Variants in RALGAPA1 observed in about 807,000 individuals in gnomAD.
RALGAPA1 encodes the protein Ral GTPase activating protein catalytic subunit alpha 1, also known as ral GTPase-activating protein subunit alpha-1.
A neutral mutation model predicts 269.6 loss-of-function variants in RALGAPA1; 52 were observed. The ratio of observed to expected loss-of-function variants is 0.19; its 90% CI spans 0.15 to 0.24. RALGAPA1 has a LOEUF of 0.24. Ranked by LOEUF, RALGAPA1 falls within the 10% of genes least tolerant of loss-of-function variation. RALGAPA1 has a pLI of 1.00. For synonymous variants in RALGAPA1, 817 were observed against 1,008.3 expected (o/e 0.81, Z 3.60); for missense variants, 1,917 against 3,013.9 (o/e 0.64, Z 8.52).
At chr14:35,649,017 A>C (rs1221964908) in intron 31 of RALGAPA1, among the ~76,000 whole-genome samples, 1 of 152,214 alleles carries the variant, frequency 6.6e-6, no homozygotes, top group Non-Finnish European at 1.5e-5. Context: ...ATATCGCCTT[A>C]AGTGATTTCA....
intron 31 of RALGAPA1, among the ~76,000 whole-genome samples, chr14:35,648,338 C>T (rs1250853439): frequency 1.3e-5 from 2 of 150,358 alleles, no homozygotes; most frequent in African/African-American, 4.9e-5. Context: ...TGGTGGCGCA[C>T]GCCTGTAATC....
intron 39 of RALGAPA1, among the ~76,000 whole-genome samples, chr14:35,565,682 G>C (rs1320442196): frequency 6.6e-6 from 1 of 151,954 alleles, no homozygotes; most frequent in Non-Finnish European, 1.5e-5. Context: ...TATTGGTTCT[G>C]TTTCTCTGAG....
intron 12 of RALGAPA1, among the ~76,000 whole-genome samples, chr14:35,731,738 T>A (rs2070493244): frequency 6.6e-6 from 1 of 152,140 alleles, no homozygotes; most frequent in Non-Finnish European, 1.5e-5. Context: ...TCTGGGATTA[T>A]GTTAAACAAC....
chr14:35,691,590 G>T (rs1209539750), intron 17 of RALGAPA1, among the ~76,000 whole-genome samples: 1 of 152,124 alleles, frequency 6.6e-6, no homozygotes, highest in African/African-American at 2.4e-5. Context: ...TCTAGATTTT[G>T]AGACTAGTTT....
At chr14:35,620,672 T>C (rs867043054) in intron 35 of RALGAPA1, among the ~76,000 whole-genome samples, 4 of 152,228 alleles carry the variant, frequency 2.6e-5, no homozygotes, top group Non-Finnish European at 4.4e-5. Context: ...AGTCTCAGGA[T>C]ACAAAATCAA....
intron 33 of RALGAPA1, among the ~76,000 whole-genome samples, chr14:35,631,697 A>C (rs1214405276): frequency 6.6e-6 from 1 of 152,204 alleles, no homozygotes; most frequent in Non-Finnish European, 1.5e-5. Flanking sequence ...ATGATCACAA[A>C]TACATAAGAT....
At chr14:35,685,239 C>T (rs2065817351) in intron 19 of RALGAPA1, 94 bp from the exon 20 acceptor site, 1 of 1,147,586 alleles carries the variant, frequency 8.7e-7, no homozygotes, top group Non-Finnish European at 1.2e-6. Context: ...ACAATAAATG[C>T]TGAGATTTAG....
chr14:35,712,990 A>G (rs745341137), intron 16 of RALGAPA1, among the ~76,000 whole-genome samples: 2 of 152,240 alleles, frequency 1.3e-5, no homozygotes, highest in Non-Finnish European at 2.9e-5. Flanking sequence ...AAGTGGGCAG[A>G]GGCCTAATCA....
intron 35 of RALGAPA1, among the ~76,000 whole-genome samples, chr14:35,609,600 A>T (rs1222352568): frequency 6.6e-6 from 1 of 152,232 alleles, no homozygotes; most frequent in African/African-American, 2.4e-5. Flanking sequence ...AAAAAGTTTT[A>T]AAAAAGATTT....
intron 1 of RALGAPA1, among the ~76,000 whole-genome samples, chr14:35,803,468 T>G (rs966763627): frequency 6.6e-6 from 1 of 151,982 alleles, no homozygotes; most frequent in African/African-American, 2.4e-5. Context: ...AAATTAAAAA[T>G]TGATATATAG....
intron 1 of RALGAPA1, among the ~76,000 whole-genome samples, chr14:35,800,966 T>C (rs961830365): frequency 2.6e-5 from 4 of 151,666 alleles, no homozygotes; most frequent in African/African-American, 7.3e-5. Flanking sequence ...GATTGCGCCA[T>C]TGCACTCCAG....
intron 1 of RALGAPA1, among the ~76,000 whole-genome samples, chr14:35,800,584 T>C (rs1175061572): frequency 6.6e-6 from 1 of 152,190 alleles, no homozygotes; most frequent in Non-Finnish European, 1.5e-5. Context: ...AGATGCTAGT[T>C]AGGGGAAAAT....
intron 8 of RALGAPA1, among the ~76,000 whole-genome samples, chr14:35,751,601 T>C (rs552843890): frequency 4.1e-4 from 62 of 151,802 alleles, no homozygotes; most frequent in African/African-American, 1.4e-3. Flanking sequence ...CTGGGCAACA[T>C]AGGGAGATCC....
intron 16 of RALGAPA1, among the ~76,000 whole-genome samples, chr14:35,718,683 G>A (rs10151952): frequency 0.13 from 19,923 of 151,866 alleles, 1,336 homozygotes; most frequent in African/African-American, 0.14. Context: ...AGGCGTGGTG[G>A]CATGTGTCTG....
chr14:35,593,839 G>A (rs1213124019), intron 37 of RALGAPA1, among the ~76,000 whole-genome samples: 1 of 152,038 alleles, frequency 6.6e-6, no homozygotes, highest in Non-Finnish European at 1.5e-5. Flanking sequence ...GGGTGAAAGA[G>A]TGAGACCCTG....
rs180941639 is a variant in RALGAPA1 at position 35,666,055 on chromosome 14, G to C, written c.5203-1288C>G. On this transcript the variant is annotated intron_variant, in intron 26 of 41. Transcript: ENST00000680220. ...TCTTGAGAAGGAGTTTCACTCTGTC[G>C]TGCAGGCTGGAGTACAGTGGCACAA... Among the ~76,000 whole-genome samples, 787 of 150,146 alleles carry C rather than the reference G, an allele frequency of 5.2e-3. 1 individual carries two copies. Among genetic ancestry groups the C allele is most frequent in the African/African-American group, 0.018 (720 of 40,816 alleles).
intron 16 of RALGAPA1, among the ~76,000 whole-genome samples, chr14:35,720,600 T>G (rs2069311409): frequency 6.6e-6 from 1 of 152,172 alleles, no homozygotes; most frequent in Admixed American, 6.5e-5. Context: ...TGAGCAGTAT[T>G]ATCATTCCCA....
At chr14:35,667,418 A>C (rs2064034677) in intron 26 of RALGAPA1, among the ~76,000 whole-genome samples, 1 of 151,912 alleles carries the variant, frequency 6.6e-6, no homozygotes, top group African/African-American at 2.4e-5. Flanking sequence ...ACAACAACAA[A>C]ACTTAACTGT....
chr14:35,753,968 C>T (rs939223910), intron 7 of RALGAPA1, among the ~76,000 whole-genome samples: 9 of 152,120 alleles, frequency 5.9e-5, no homozygotes, highest in Admixed American at 2.6e-4. Context: ...TAGGTAGTTA[C>T]ACAGTACTTC....
Sources: allele counts gnomAD v4.1 joint callset (sites outside exome capture counted in the v4.1 genomes callset), GRCh38; gene constraint gnomAD v4.1.1; transcripts MANE v1.5; gene names NCBI Gene and HGNC (gene_info 2026-07-23, HGNC 2026-07-21).